FBXW11: variants seen among roughly 807,000 people sequenced by gnomAD.
FBXW11 encodes F-box/WD repeat-containing protein 11.
Under a neutral mutation model 77.6 loss-of-function variants are expected in FBXW11, and 19 were observed. The observed-to-expected ratio is 0.24, with a 90% CI of 0.17 to 0.36. The LOEUF is 0.36. Among genes scored for constraint, FBXW11 ranks in the 10% least tolerant of loss-of-function variants. The pLI, the probability that FBXW11 is intolerant of heterozygous loss-of-function variation, is 1.00. For synonymous variants in FBXW11, 235 were observed against 249.4 expected (o/e 0.94, Z 0.54); for missense variants, 334 against 704.2 (o/e 0.47, Z 5.95).
chr5:172,003,792 A>C (rs1766562442), intron 1 of FBXW11, among the ~76,000 whole-genome samples: 1 of 152,202 alleles, frequency 6.6e-6, no homozygotes, highest in Non-Finnish European at 1.5e-5. Context: ...TGCAAGGAAA[A>C]ACAGAAGAAT....
chr5:171,884,358 G>C (rs951498134), intron 7 of FBXW11, among the ~76,000 whole-genome samples: 2 of 152,102 alleles, frequency 1.3e-5, no homozygotes, highest in African/African-American at 4.8e-5. Flanking sequence ...GTAAGTATTT[G>C]GGTTTATTTC....
intron 4 of FBXW11, among the ~76,000 whole-genome samples, chr5:171,905,033 A>T (rs1447064666): frequency 6.6e-6 from 1 of 152,194 alleles, no homozygotes; most frequent in Non-Finnish European, 1.5e-5. Context: ...ACTAATACTT[A>T]TTTCTTCCTC....
intron 1 of FBXW11, among the ~76,000 whole-genome samples, chr5:171,961,088 T>C (rs1483390836): frequency 6.6e-6 from 1 of 152,214 alleles, no homozygotes; most frequent in Non-Finnish European, 1.5e-5. Flanking sequence ...AGACATTACT[T>C]TCCCCTTCAG....
At chr5:171,913,372 A>T (rs1230872563) in intron 3 of FBXW11, among the ~76,000 whole-genome samples, 5 of 152,136 alleles carry the variant, frequency 3.3e-5, no homozygotes, top group Admixed American at 2.0e-4. Context: ...TGAAAGCTAA[A>T]GTGTGAAGAA....
chr5:171,990,982 C>T (rs1581087015), intron 1 of FBXW11, among the ~76,000 whole-genome samples: 2 of 152,074 alleles, frequency 1.3e-5, no homozygotes, highest in South Asian at 2.1e-4. Flanking sequence ...CATGCCACCA[C>T]GCTTGGCTAA....
In FBXW11 at chr5:171,977,763, A is replaced by C. The variant is rs1764919934; in HGVS notation, c.46-20065T>G. On this transcript the variant is annotated intron_variant, in intron 1 of 13. Coordinates refer to ENST00000517395, the MANE Select transcript of FBXW11 (RefSeq NM_001378974.1). ...GCAGGGAAACTCCCCTTTTTAAGAA[A>C]GATCAGATCTCGTGAGACTTATTCA... The C allele has an allele frequency of 1.0e-4, 37 of 353,822 alleles. 2 individuals are homozygous for C. Among genetic ancestry groups the C allele is most frequent in the South Asian group, 7.8e-4 (37 of 47,472 alleles). The allele number at this position is 353,822 out of a possible 1,614,324, so 21.9% of individuals were successfully genotyped here.
At chr5:171,871,833 C>A (rs191704984) in intron 10 of FBXW11, among the ~76,000 whole-genome samples, 224 of 152,286 alleles carry the variant, frequency 1.5e-3, no homozygotes, top group Non-Finnish European at 2.4e-3. Context: ...GTGATCAAAG[C>A]CATTCAGTAC....
chr5:171,932,495 A>T (rs1262832347), intron 2 of FBXW11, among the ~76,000 whole-genome samples: 11 of 152,156 alleles, frequency 7.2e-5, no homozygotes, highest in Admixed American at 6.5e-5. Flanking sequence ...GTACAAATTT[A>T]TGGGGTAGAT....
intron 3 of FBXW11, among the ~76,000 whole-genome samples, chr5:171,913,009 C>T (rs1356809173): frequency 6.6e-6 from 1 of 151,748 alleles, no homozygotes; most frequent in Non-Finnish European, 1.5e-5. Context: ...ACATTATGAT[C>T]ACAGTAATTC....
In FBXW11 at chr5:171,899,879, AT is replaced by A. The variant is rs1194714521; in HGVS notation, c.623+34del. 4 of 1,521,118 alleles carry A rather than the reference AT, an allele frequency of 2.6e-6. No individual in the cohort carries two copies. In the African/African-American group the frequency reaches 4.2e-5, roughly 16 times the overall value. 94.2% of individuals were successfully genotyped at this position (1,521,118 alleles called of 1,614,324 possible). On this transcript the variant is annotated intron_variant, in intron 5 of 13. Transcript: ENST00000517395. ...ATCAAGCTGACTCTATGTCAATAAA[AT>A]TTTTTCAAGGGAACAAGCAACCCAA...
At chr5:171,961,403 T>C (rs1384201958) in intron 1 of FBXW11, among the ~76,000 whole-genome samples, 1 of 152,208 alleles carries the variant, frequency 6.6e-6, no homozygotes, top group African/African-American at 2.4e-5. Context: ...ACTTTGAAGC[T>C]AAGTGACCAG....
intron 1 of FBXW11, among the ~76,000 whole-genome samples, chr5:171,982,427 C>A (rs1182040075): frequency 6.6e-6 from 1 of 152,144 alleles, no homozygotes; most frequent in Non-Finnish European, 1.5e-5. Flanking sequence ...CAGGAATGCA[C>A]CACCACCCAG....
intron 7 of FBXW11, among the ~76,000 whole-genome samples, chr5:171,882,472 T>G (rs1386236056): frequency 6.6e-6 from 1 of 152,032 alleles, no homozygotes; most frequent in African/African-American, 2.4e-5. Flanking sequence ...CAGCTAATGT[T>G]TTTTAATTTT....
chr5:171,968,373 G>A (rs1402045180), intron 1 of FBXW11, among the ~76,000 whole-genome samples: 1 of 151,560 alleles, frequency 6.6e-6, no homozygotes, highest in Non-Finnish European at 1.5e-5. Flanking sequence ...CAGGAGAATG[G>A]TGCGAACCCG....
chr5:171,889,877 T>G (rs1331409112), intron 7 of FBXW11, among the ~76,000 whole-genome samples: 2 of 151,792 alleles, frequency 1.3e-5, no homozygotes, highest in Non-Finnish European at 2.9e-5. Context: ...CAGGCAAGGG[T>G]AAAACTCCGT....
intron 2 of FBXW11, among the ~76,000 whole-genome samples, chr5:171,957,244 C>A (rs897594449): frequency 6.6e-6 from 1 of 152,166 alleles, no homozygotes; most frequent in African/African-American, 2.4e-5. Flanking sequence ...AATTATGAAA[C>A]CCTCCCAACT....
intron 1 of FBXW11, among the ~76,000 whole-genome samples, chr5:172,002,870 T>G (rs958384870): frequency 6.6e-6 from 1 of 151,268 alleles, no homozygotes; most frequent in Non-Finnish European, 1.5e-5. Context: ...GGCTAATTTT[T>G]TTATTTTTTG....
intron 1 of FBXW11, among the ~76,000 whole-genome samples, chr5:171,975,807 G>C (rs1374261256): frequency 6.6e-6 from 1 of 152,082 alleles, no homozygotes; most frequent in African/African-American, 2.4e-5. Context: ...TGAATAAAAG[G>C]GATTAGGGCG....
At chr5:171,937,655 C>T (rs546922825) in intron 2 of FBXW11, among the ~76,000 whole-genome samples, 10 of 151,826 alleles carry the variant, frequency 6.6e-5, no homozygotes, top group African/African-American at 1.9e-4. Flanking sequence ...GGTGAAACCC[C>T]GCCTCTACTA....
Sources: allele counts gnomAD v4.1 joint callset (sites outside exome capture counted in the v4.1 genomes callset), GRCh38; gene constraint gnomAD v4.1.1; transcripts MANE v1.5; gene names NCBI Gene and HGNC (gene_info 2026-07-23, HGNC 2026-07-21).